NTRK3: variants seen among roughly 807,000 people sequenced by gnomAD.
The protein encoded by NTRK3 is neurotrophic receptor tyrosine kinase 3.
A neutral mutation model predicts 91.7 loss-of-function variants in NTRK3; 24 were observed. The ratio of observed to expected loss-of-function variants is 0.26; its 90% CI spans 0.19 to 0.37. The LOEUF is 0.37. Among genes scored for constraint, NTRK3 ranks in the 10% least tolerant of loss-of-function variants. The pLI is 1.00. For synonymous variants in NTRK3, 483 were observed against 404.0 expected, an observed-to-expected ratio of 1.20 and a Z score of -2.34; for missense variants, 880 against 1,068.9, an observed-to-expected ratio of 0.82 and a Z score of 2.46.
At chr15:88,155,341 T>C (rs1468700767) in intron 5 of NTRK3, among the ~76,000 whole-genome samples, 1 of 152,126 alleles carries the variant, frequency 6.6e-6, no homozygotes. Context: ...AGAATGTGAG[T>C]GACCTCTAGA....
chr15:88,190,999 T>C, intron 3 of NTRK3, among the ~76,000 whole-genome samples: 1 of 152,240 alleles, frequency 6.6e-6, no homozygotes, highest in South Asian at 2.1e-4. Context: ...CTTGTTTTCA[T>C]ATGACTTTGT....
intron 17 of NTRK3, among the ~76,000 whole-genome samples, chr15:87,920,927 G>C (rs987311971): frequency 1.3e-5 from 2 of 152,146 alleles, no homozygotes; most frequent in Admixed American, 6.5e-5. Context: ...ATGTGCATTA[G>C]TGGAAAAGCT....
intron 5 of NTRK3, among the ~76,000 whole-genome samples, chr15:88,172,680 T>C (rs574804559): frequency 5.9e-5 from 9 of 152,270 alleles, no homozygotes; most frequent in African/African-American, 2.2e-4. Context: ...ATCACAAACA[T>C]GCAGTGGGCC....
chr15:87,976,175 AC>A (rs2073697736), intron 14 of NTRK3, among the ~76,000 whole-genome samples: 1 of 152,102 alleles, frequency 6.6e-6, no homozygotes. Context: ...GACAGCCTCA[AC>A]CCTTCAGGCA....
chr15:88,158,897 G>GA (rs912382422), intron 5 of NTRK3, among the ~76,000 whole-genome samples: 11 of 151,060 alleles, frequency 7.3e-5, no homozygotes, highest in East Asian at 5.8e-4. Flanking sequence ...CATGACAAGA[G>GA]AAAAAAAAAG....
chr15:88,124,353 G>C (rs913488724), intron 13 of NTRK3, among the ~76,000 whole-genome samples: 5 of 152,236 alleles, frequency 3.3e-5, no homozygotes, highest in Non-Finnish European at 5.9e-5. Context: ...GGACAGCTGA[G>C]GGGAGGAACC....
Position 88,235,598 on chromosome 15 carries a change from A to G in NTRK3, c.248+20308T>C, listed in dbSNP as rs961797231. 2.6e-5 allele frequency among the ~76,000 whole-genome samples: 4 copies of G among 152,180 alleles called. No individual in the cohort carries two copies. Among genetic ancestry groups the G allele is most frequent in the Non-Finnish European group, 5.9e-5 (4 of 68,030 alleles). ...CAACTGGGGTGGATGGAGAACCCCA[A>G]GGAAACGACCCAGCCCTGCTAAAGA... On this transcript the variant is annotated intron_variant, in intron 3 of 18. Coordinates refer to ENST00000394480, the Ensembl canonical transcript of NTRK3. This position sits in a 1 kb window ranked among gnomAD's most constrained non-coding sequence, Gnocchi z 5.2.
At chr15:88,183,602 A>C (rs2046705305) in intron 4 of NTRK3, 113 bp from the exon 5 acceptor site, 8 of 960,454 alleles carry the variant, frequency 8.3e-6, no homozygotes, top group Admixed American at 1.7e-5. Flanking sequence ...CGCCCTGTGG[A>C]TTATCTACAC....
At chr15:87,906,346 T>C (rs78643745) in intron 17 of NTRK3, among the ~76,000 whole-genome samples, 14,123 of 152,230 alleles carry the variant, frequency 0.093, 813 homozygotes, top group African/African-American at 0.15. Context: ...GAAAGGCAGA[T>C]GGGAGAAGGA....
intron 14 of NTRK3, among the ~76,000 whole-genome samples, chr15:87,968,827 T>C (rs1205619248): frequency 6.6e-6 from 1 of 152,218 alleles, no homozygotes; most frequent in Admixed American, 6.5e-5. Flanking sequence ...TTGGGGATTA[T>C]TGGTGAATTT....
At chr15:88,178,462 T>C (rs2046192066) in intron 5 of NTRK3, among the ~76,000 whole-genome samples, 1 of 152,160 alleles carries the variant, frequency 6.6e-6, no homozygotes, top group Non-Finnish European at 1.5e-5. Context: ...GTTGATACAA[T>C]CATGCTCAAA....
intron 5 of NTRK3, among the ~76,000 whole-genome samples, chr15:88,148,359 G>C (rs565682137): frequency 6.6e-6 from 1 of 152,292 alleles, no homozygotes; most frequent in East Asian, 1.9e-4. Context: ...GTTCCCTCTG[G>C]AATCTTATAT....
intron 13 of NTRK3, among the ~76,000 whole-genome samples, chr15:88,104,857 G>A (rs750827517): frequency 9.9e-5 from 15 of 152,212 alleles, no homozygotes; most frequent in Non-Finnish European, 1.9e-4. Context: ...CCAGAGTCAA[G>A]GAGTTAATTC....
intron 5 of NTRK3, among the ~76,000 whole-genome samples, chr15:88,148,227 G>A (rs1046813407): frequency 4.6e-5 from 7 of 152,138 alleles, no homozygotes; most frequent in Admixed American, 3.9e-4. Context: ...GGCAAACACA[G>A]ACTCTTGTTT....
chr15:88,028,290 C>T (rs2078218280), intron 14 of NTRK3, among the ~76,000 whole-genome samples: 1 of 152,078 alleles, frequency 6.6e-6, no homozygotes, highest in South Asian at 2.1e-4. Flanking sequence ...GTCTCTTGTT[C>T]CCCAGTGTTT....
intron 17 of NTRK3, among the ~76,000 whole-genome samples, chr15:87,903,353 A>T (rs1295849416): frequency 6.6e-6 from 1 of 152,228 alleles, no homozygotes; most frequent in Non-Finnish European, 1.5e-5. Context: ...TCACGAGACT[A>T]GGGCAACATT....
intron 3 of NTRK3, among the ~76,000 whole-genome samples, chr15:88,247,064 A>G (rs1278174428): frequency 6.6e-6 from 1 of 152,222 alleles, no homozygotes; most frequent in Non-Finnish European, 1.5e-5. Context: ...CAGAGACCTC[A>G]GACACGATGT....
chr15:87,944,278 T>C (rs943316925), intron 14 of NTRK3, among the ~76,000 whole-genome samples: 3 of 152,192 alleles, frequency 2.0e-5, no homozygotes, highest in Admixed American at 6.5e-5. Flanking sequence ...ATCACTTCCA[T>C]GTGGACAACC....
chr15:87,871,981 A>G (rs2064836652), exon 19 of NTRK3: 1 of 220,782 alleles, frequency 4.5e-6, no homozygotes, highest in Non-Finnish European at 9.1e-6. Context: ...GGCCAAAACA[A>G]TTTATTTGGT....
Sources: gnomAD v4.1 joint callset for allele counts (sites outside exome capture counted in the v4.1 genomes callset) on GRCh38, gnomAD v4.1.1 for gene constraint, Gnocchi (gnomAD v3.1) non-coding constraint, MANE v1.5 for transcripts, NCBI Gene and HGNC (gene_info 2026-07-23, HGNC 2026-07-21) for gene names.